The following CPNE4 variants were observed in gnomAD, a reference collection of about 807,000 sequenced individuals.
CPNE4 encodes copine-4.
A neutral mutation model predicts 67.9 loss-of-function variants in CPNE4; 25 were observed. That is an observed-to-expected ratio of 0.37 (90% CI 0.27 to 0.51). The LOEUF (loss-of-function observed/expected upper bound fraction) is 0.51, where lower values mean the gene tolerates loss of function less well. CPNE4 is among the 20% of genes least tolerant of loss of function. CPNE4 has a pLI of 0.93. For synonymous variants in CPNE4, 242 were observed against 244.9 expected (o/e 0.99, Z 0.11); for missense variants, 464 against 690.8 (o/e 0.67, Z 3.68).
At position 131,923,321 on chromosome 3, in the gene CPNE4, A is replaced by G. The variant is rs2070791974; in HGVS notation, c.-1-17877T>C. ...CAAACATTCTATCTGCTCCCTCAGG[A>G]CTCTTGCACTGTGCAGAGAGATCTC... On this transcript the variant is annotated intron_variant, in intron 1 of 15. Transcript: ENST00000429747. Among the ~76,000 whole-genome samples the G allele has an allele frequency of 4.6e-5, 7 of 152,172 alleles. No individual in the cohort carries two copies. The South Asian group carries it at 1.5e-3, about 32-fold the overall frequency.
chr3:131,781,094 A>G (rs1159780982), intron 2 of CPNE4, among the ~76,000 whole-genome samples: 6 of 151,216 alleles, frequency 4.0e-5, no homozygotes, highest in African/African-American at 1.2e-4. Context: ...GGCTGTGACA[A>G]AAAAAAAATT....
At chr3:131,676,105 G>C (rs1172010272) in intron 6 of CPNE4, among the ~76,000 whole-genome samples, 1 of 149,686 alleles carries the variant, frequency 6.7e-6, no homozygotes, top group Non-Finnish European at 1.5e-5. Context: ...GTCCAGGCTG[G>C]AATGCAGTGG....
chr3:131,811,787 C>T (rs936954858), intron 2 of CPNE4, among the ~76,000 whole-genome samples: 1 of 152,098 alleles, frequency 6.6e-6, no homozygotes, highest in Admixed American at 6.6e-5. Flanking sequence ...GATATTGTGT[C>T]AGGCACTGTG....
chr3:131,984,826 C>T (rs950980746), intron 1 of CPNE4, among the ~76,000 whole-genome samples: 1 of 152,134 alleles, frequency 6.6e-6, no homozygotes, highest in African/African-American at 2.4e-5. Context: ...GTCTATCTTC[C>T]ACATTGGTTC....
At chr3:132,034,528 C>T (rs1242152559) in intron 1 of CPNE4, 39 bp downstream of exon 1, 2 of 956,926 alleles carry the variant, frequency 2.1e-6, no homozygotes, top group African/African-American at 1.8e-5. Context: ...AATCACAGCG[C>T]CCCAGGAACA....
chr3:131,714,121 T>C (rs2081623960), intron 3 of CPNE4, among the ~76,000 whole-genome samples: 1 of 152,158 alleles, frequency 6.6e-6, no homozygotes, highest in Non-Finnish European at 1.5e-5. Flanking sequence ...CATGAGGATA[T>C]TAGATAGTAT....
At chr3:131,976,147 A>C (rs74736836) in intron 1 of CPNE4, among the ~76,000 whole-genome samples, 2 of 150,330 alleles carry the variant, frequency 1.3e-5, no homozygotes, top group Non-Finnish European at 2.9e-5. Context: ...CCTGTAAAAC[A>C]TTCTACCTTA....
chr3:131,788,247 GA>G (rs151028272), intron 2 of CPNE4, among the ~76,000 whole-genome samples: 18,269 of 151,548 alleles, frequency 0.12, 1,177 homozygotes, highest in African/African-American at 0.14. Flanking sequence ...ATAAACAATT[GA>G]AAAAATATTT....
At chr3:131,559,121 C>T (rs1262115490) in intron 11 of CPNE4, among the ~76,000 whole-genome samples, 1 of 151,960 alleles carries the variant, frequency 6.6e-6, no homozygotes, top group East Asian at 1.9e-4. Flanking sequence ...TTTTGCAAGT[C>T]AGGTAGTTGC....
At chr3:131,632,802 C>T (rs1021954357) in intron 7 of CPNE4, among the ~76,000 whole-genome samples, 1 of 152,124 alleles carries the variant, frequency 6.6e-6, no homozygotes, top group Non-Finnish European at 1.5e-5. Context: ...GTACTGTTAA[C>T]ATTTCGGTCC....
intron 9 of CPNE4, among the ~76,000 whole-genome samples, chr3:131,578,182 C>T (rs532580347): frequency 7.2e-5 from 11 of 152,172 alleles, no homozygotes; most frequent in African/African-American, 2.6e-4. Flanking sequence ...AGTATGTGCT[C>T]GCTTTGTGTC....
rs1263069352 is a variant in CPNE4, at chr3:131,556,619, G to A, written c.1062-1068C>T. Among the ~76,000 whole-genome samples, 5 of 151,916 alleles carry A rather than the reference G, an allele frequency of 3.3e-5. No individual in the cohort carries two copies. In the South Asian group the frequency reaches 1.0e-3, roughly 32 times the overall value. ...ACCATTTATTATAGAACTTGTCATG[G>A]AATGTGTGCTCAGTAGTTAATGAGT... On this transcript the variant is annotated intron_variant, in intron 11 of 15. Coordinates refer to ENST00000429747, the MANE Select transcript of CPNE4 (RefSeq NM_130808.3).
At chr3:131,958,632 T>C (rs1162344778) in intron 1 of CPNE4, among the ~76,000 whole-genome samples, 2 of 76,616 alleles carry the variant, frequency 2.6e-5, no homozygotes, top group Non-Finnish European at 5.7e-5. Context: ...TTTTTTTTTT[T>C]TTTTTTTTTT....
intron 7 of CPNE4, among the ~76,000 whole-genome samples, chr3:131,645,144 C>T (rs145225598): frequency 0.012 from 1,767 of 152,328 alleles, 18 homozygotes; most frequent in Non-Finnish European, 0.017. Context: ...GTTATTGCCA[C>T]TATCCATCTG....
At chr3:132,014,996 T>C (rs879396835) in intron 1 of CPNE4, among the ~76,000 whole-genome samples, 1 of 152,210 alleles carries the variant, frequency 6.6e-6, no homozygotes, top group East Asian at 1.9e-4. Flanking sequence ...CAATGAAATA[T>C]GGAACAAAAC....
At chr3:131,682,326 T>A (rs2080779823) in intron 6 of CPNE4, among the ~76,000 whole-genome samples, 1 of 152,182 alleles carries the variant, frequency 6.6e-6, no homozygotes, top group Non-Finnish European at 1.5e-5. Context: ...TGGTCTGTTT[T>A]TGGTCACTGT....
At chr3:131,853,819 A>G (rs1328772318) in intron 2 of CPNE4, among the ~76,000 whole-genome samples, 1 of 151,872 alleles carries the variant, frequency 6.6e-6, no homozygotes, top group African/African-American at 2.4e-5. Context: ...GTCATCAAGG[A>G]ATATGATTTA....
chr3:131,873,615 A>T (rs1355525365), intron 2 of CPNE4, among the ~76,000 whole-genome samples: 1 of 152,232 alleles, frequency 6.6e-6, no homozygotes, highest in African/African-American at 2.4e-5. Context: ...TGCCTAGTTC[A>T]TGTTCACAAA....
chr3:131,838,831 A>G (rs867066333), intron 2 of CPNE4, among the ~76,000 whole-genome samples: 7 of 147,440 alleles, frequency 4.7e-5, no homozygotes, highest in African/African-American at 1.1e-4. Context: ...ATATGTGTGT[A>G]TATATATATA....
Sources: gnomAD v4.1 joint callset for allele counts (sites outside exome capture counted in the v4.1 genomes callset) on GRCh38, gnomAD v4.1.1 for gene constraint, MANE v1.5 for transcripts, NCBI Gene and HGNC (gene_info 2026-07-23, HGNC 2026-07-21) for gene names.